Variants in ZNF804A observed in about 807,000 individuals in gnomAD.
ZNF804A encodes the protein zinc finger protein 804A.
A neutral mutation model predicts 16.5 loss-of-function variants in ZNF804A; 2 were observed. The observed-to-expected ratio is 0.12, with a 90% CI of 0.05 to 0.38. ZNF804A has a LOEUF of 0.38. Ranked by LOEUF, ZNF804A falls within the 10% of genes least tolerant of loss-of-function variation. The pLI, the probability that ZNF804A is intolerant of heterozygous loss-of-function variation, is 0.99. For synonymous variants in ZNF804A, 534 were observed against 489.6 expected (o/e 1.09, Z -1.20); for missense variants, 1,473 against 1,390.7 (o/e 1.06, Z -0.94).
intron 2 of ZNF804A, among the ~76,000 whole-genome samples, chr2:184,890,919 G>T (rs1684970879): frequency 6.6e-6 from 1 of 151,370 alleles, no homozygotes; most frequent in Non-Finnish European, 1.5e-5. Flanking sequence ...ATACATCTAT[G>T]TTATTCATAT....
At chr2:184,789,269 A>T (rs879097440) in intron 1 of ZNF804A, among the ~76,000 whole-genome samples, 7 of 152,150 alleles carry the variant, frequency 4.6e-5, no homozygotes, top group African/African-American at 1.7e-4. Flanking sequence ...ATCTGTGTTC[A>T]TCAGTGATAT....
At chr2:184,619,787 A>G (rs938968129) in intron 1 of ZNF804A, among the ~76,000 whole-genome samples, 3 of 151,926 alleles carry the variant, frequency 2.0e-5, no homozygotes, top group African/African-American at 7.2e-5. Context: ...AACAATTCTT[A>G]TAATAATGAT....
chr2:184,616,107 A>G lies in ZNF804A; in HGVS notation c.111+17037A>G, dbSNP rs371577177. On this transcript the variant is annotated intron_variant, in intron 1 of 3. Transcript: ENST00000302277. ...TATTTATTTACTTTTTTGCTGAGAA[A>G]CATGACTAGATTTAGGAAAAATGTA... 1.2e-4 allele frequency among the ~76,000 whole-genome samples: 19 copies of G among 152,260 alleles called. 1 individual carries two copies. In the East Asian group the frequency reaches 2.1e-3, roughly 17 times the overall value.
intron 2 of ZNF804A, among the ~76,000 whole-genome samples, chr2:184,916,072 A>G (rs1479330066): frequency 1.3e-5 from 2 of 152,184 alleles, no homozygotes; most frequent in Non-Finnish European, 2.9e-5. Context: ...AGAGTTGGTG[A>G]TTGAGTTGTA....
chr2:184,620,115 TAAAG>T (rs1485482441), intron 1 of ZNF804A, among the ~76,000 whole-genome samples: 5 of 151,734 alleles, frequency 3.3e-5, no homozygotes, highest in South Asian at 4.1e-4. Flanking sequence ...TATAAACTAT[TAAAG>T]AAAGTTTGTA....
intron 1 of ZNF804A, among the ~76,000 whole-genome samples, chr2:184,681,959 G>T (rs747533010): frequency 1.3e-5 from 2 of 152,174 alleles, no homozygotes; most frequent in South Asian, 4.1e-4. Flanking sequence ...AAGCCAAGTC[G>T]GAGTGCTGTT....
At chr2:184,773,897 T>C (rs551023744) in intron 1 of ZNF804A, among the ~76,000 whole-genome samples, 11 of 152,038 alleles carry the variant, frequency 7.2e-5, no homozygotes, top group Admixed American at 5.3e-4. Context: ...TATTGAAGTT[T>C]AGTATTAAGT....
At chr2:184,715,643 A>T (rs1333770367) in intron 1 of ZNF804A, among the ~76,000 whole-genome samples, 1 of 152,038 alleles carries the variant, frequency 6.6e-6, no homozygotes, top group Non-Finnish European at 1.5e-5. Context: ...TTAAGCCATC[A>T]ACTCGCCCCA....
chr2:184,758,734 A>G (rs943588512), intron 1 of ZNF804A, among the ~76,000 whole-genome samples: 4 of 152,050 alleles, frequency 2.6e-5, no homozygotes, highest in Non-Finnish European at 5.9e-5. Flanking sequence ...ATATAACACA[A>G]TATGATTAAC....
intron 2 of ZNF804A, among the ~76,000 whole-genome samples, chr2:184,898,374 C>G (rs1466365135): frequency 6.6e-6 from 1 of 150,500 alleles, no homozygotes; most frequent in Non-Finnish European, 1.5e-5. Flanking sequence ...AGTTCAATAG[C>G]TCTTTACTTG....
chr2:184,766,678 T>C (rs545349485), intron 1 of ZNF804A, among the ~76,000 whole-genome samples: 2 of 151,990 alleles, frequency 1.3e-5, no homozygotes, highest in African/African-American at 4.8e-5. Flanking sequence ...GTTTTATTCC[T>C]GGGTGTATCC....
chr2:184,737,418 G>C (rs908210591), intron 1 of ZNF804A, among the ~76,000 whole-genome samples: 1 of 151,916 alleles, frequency 6.6e-6, no homozygotes, highest in African/African-American at 2.4e-5. Flanking sequence ...ACTTTGTCAC[G>C]TGAATTTTCT....
chr2:184,834,870 T>G (rs976239211), intron 1 of ZNF804A, among the ~76,000 whole-genome samples: 2 of 152,180 alleles, frequency 1.3e-5, no homozygotes, highest in African/African-American at 4.8e-5. Context: ...CCCTGGATTA[T>G]GCAATTATGC....
rs185963245 is a variant in ZNF804A, at chr2:184,841,791, A to G, written c.112-24578A>G. On this transcript the variant is annotated intron_variant, in intron 1 of 3. Coordinates refer to ENST00000302277, the MANE Select transcript of ZNF804A (RefSeq NM_194250.2). ...TCAGATATATCTTTTTGCTGTGTCA[A>G]TTTTTTTTAGGGTACTATTTACTCT... Among the ~76,000 whole-genome samples, 1,378 of 151,976 alleles carry G rather than the reference A, an allele frequency of 9.1e-3. 12 individuals carry two copies. Among genetic ancestry groups the G allele is most frequent in the Admixed American group, 0.014 (218 of 15,254 alleles).
At chr2:184,707,559 T>C (rs1240154533) in intron 1 of ZNF804A, among the ~76,000 whole-genome samples, 1 of 152,086 alleles carries the variant, frequency 6.6e-6, no homozygotes, top group East Asian at 1.9e-4. Context: ...TTTGGTCCTG[T>C]GTTTATTTGC....
chr2:184,618,604 A>C (rs1316909869), intron 1 of ZNF804A, among the ~76,000 whole-genome samples: 5 of 152,094 alleles, frequency 3.3e-5, no homozygotes, highest in Admixed American at 6.6e-5. Context: ...GATTCCTGGA[A>C]CCAAACCCCC....
At chr2:184,795,987 G>T (rs1694624663) in intron 1 of ZNF804A, among the ~76,000 whole-genome samples, 1 of 151,656 alleles carries the variant, frequency 6.6e-6, no homozygotes, top group South Asian at 2.1e-4. Flanking sequence ...CGTGTGATTT[G>T]TTTTTAATTC....
At chr2:184,632,737 C>A (rs1691633914) in intron 1 of ZNF804A, among the ~76,000 whole-genome samples, 1 of 152,162 alleles carries the variant, frequency 6.6e-6, no homozygotes, top group Non-Finnish European at 1.5e-5. Context: ...ATCTTATATT[C>A]CCTTTCTAAA....
intron 1 of ZNF804A, among the ~76,000 whole-genome samples, chr2:184,717,462 C>A (rs1305607053): frequency 2.0e-5 from 3 of 152,132 alleles, no homozygotes; most frequent in Non-Finnish European, 4.4e-5. Context: ...TCAAATTCTT[C>A]ACAGTAAATG....
Sources: gnomAD v4.1 joint callset for allele counts (sites outside exome capture counted in the v4.1 genomes callset) on GRCh38, gnomAD v4.1.1 for gene constraint, MANE v1.5 for transcripts, NCBI Gene and HGNC (gene_info 2026-07-23, HGNC 2026-07-21) for gene names.